The following CNTN4 variants were observed in gnomAD, a reference collection of about 807,000 sequenced individuals.
The protein encoded by CNTN4 is contactin 4.
CNTN4 carries 77 observed loss-of-function variants against 122.5 expected under a neutral mutation model. The observed-to-expected ratio is 0.63, with a 90% CI of 0.52 to 0.76. CNTN4 has a LOEUF of 0.76. CNTN4 is among the 30% of genes least tolerant of loss of function. The pLI, the probability that CNTN4 is intolerant of heterozygous loss-of-function variation, is 0.00. For missense variants in CNTN4, 1,256 were observed against 1,259.1 expected (o/e 1.00, Z 0.04); for synonymous variants, 512 against 447.0 (o/e 1.15, Z -1.83).
intron 10 of CNTN4, among the ~76,000 whole-genome samples, chr3:2,888,078 T>C (rs2093998686): frequency 6.6e-6 from 1 of 152,248 alleles, no homozygotes; most frequent in Non-Finnish European, 1.5e-5. Flanking sequence ...TAGCAAAAGC[T>C]TTAAATGTTC....
chr3:2,641,110 A>G lies in CNTN4; in HGVS notation c.55+69552A>G, dbSNP rs529133211. Among the ~76,000 whole-genome samples, 18 of 152,310 alleles carry G rather than the reference A, an allele frequency of 1.2e-4. No individual in the cohort carries two copies. In the East Asian group the frequency reaches 3.3e-3, roughly 28 times the overall value. On this transcript the variant is annotated intron_variant, in intron 4 of 24. Coordinates refer to ENST00000418658, the MANE Select transcript of CNTN4 (RefSeq NM_175607.3). The stretch of plus-strand genomic sequence containing the variant: ...ACTTAATACCCTCAAAATTAATGCT[A>G]TATACAACTTCAACTGTATGTTTTT...
intron 4 of CNTN4, among the ~76,000 whole-genome samples, chr3:2,643,828 A>G (rs1215324240): frequency 2.0e-5 from 3 of 152,134 alleles, no homozygotes; most frequent in African/African-American, 7.2e-5. Flanking sequence ...CCTATATGTG[A>G]GGTCACAGGC....
chr3:2,183,391 T>C (rs1162751628), intron 2 of CNTN4, among the ~76,000 whole-genome samples: 2 of 152,200 alleles, frequency 1.3e-5, no homozygotes. Context: ...GAATCCGTAA[T>C]AACAATAGGA....
At chr3:2,435,293 T>C (rs2048220352) in intron 3 of CNTN4, among the ~76,000 whole-genome samples, 1 of 152,152 alleles carries the variant, frequency 6.6e-6, no homozygotes, top group South Asian at 2.1e-4. Context: ...GTCCCTTATA[T>C]AAAATGGCAT....
At chr3:2,953,665 G>GAT (rs759533269) in intron 13 of CNTN4, among the ~76,000 whole-genome samples, 28 of 152,066 alleles carry the variant, frequency 1.8e-4, no homozygotes, top group Non-Finnish European at 3.2e-4. Context: ...TATATTGAAT[G>GAT]ATATATTCAA....
chr3:2,778,112 G>T (rs1358378816), intron 6 of CNTN4, among the ~76,000 whole-genome samples: 1 of 141,550 alleles, frequency 7.1e-6, no homozygotes, highest in Non-Finnish European at 1.5e-5. Context: ...TACTCAGGAG[G>T]CTGAGGCAGG....
At chr3:2,543,620 C>A (rs1019908830) in intron 3 of CNTN4, among the ~76,000 whole-genome samples, 2 of 152,082 alleles carry the variant, frequency 1.3e-5, no homozygotes, top group African/African-American at 4.8e-5. Context: ...CAAAACAAGA[C>A]AATTTCATTG....
chr3:2,886,513 C>CTTT lies in CNTN4; in HGVS notation c.756-513_756-511dup, dbSNP rs200813621. Among the ~76,000 whole-genome samples the CTTT allele has an allele frequency of 1.1e-3, 147 of 136,854 alleles. 4 individuals carry two copies. Among genetic ancestry groups the CTTT allele is most frequent in the South Asian group, 6.2e-3 (26 of 4,220 alleles). The allele number at this position is 136,854 out of a possible 152,430, so 89.8% of individuals were successfully genotyped here. A position where few individuals can be genotyped will look rare whatever the true frequency, so the allele number is the denominator to read the frequency against. ...ATGATATTGTATAGGAGATAGATCA[C>CTTT]TTTTTTTTTTTTTTTTGAGACAAAG... On this transcript the variant is annotated intron_variant, in intron 9 of 24. Transcript: ENST00000418658.
chr3:2,748,384 C>CT (rs1416779517), intron 6 of CNTN4, among the ~76,000 whole-genome samples: 1 of 151,778 alleles, frequency 6.6e-6, no homozygotes, highest in African/African-American at 2.4e-5. Flanking sequence ...AGTAGTGACC[C>CT]TTTGTTCCAT....
intron 3 of CNTN4, among the ~76,000 whole-genome samples, chr3:2,502,288 T>C (rs2149009012): frequency 6.6e-6 from 1 of 152,302 alleles, no homozygotes; most frequent in African/African-American, 2.4e-5. Flanking sequence ...GGAGTTTTAC[T>C]ATCCACGTGT....
intron 4 of CNTN4, among the ~76,000 whole-genome samples, chr3:2,620,647 GCTTT>G (rs2081956642): frequency 6.6e-6 from 1 of 152,112 alleles, no homozygotes; most frequent in African/African-American, 2.4e-5. Context: ...TGAGTTTAAT[GCTTT>G]CTAATTGCTT....
In CNTN4 at chr3:2,114,043, A is replaced by C. The variant is rs145369169; in HGVS notation, c.-145+13404A>C. Among the ~76,000 whole-genome samples the C allele has an allele frequency of 5.5e-3, 831 of 152,314 alleles. 13 individuals carry two copies. Among genetic ancestry groups the C allele is most frequent in the African/African-American group, 0.019 (803 of 41,582 alleles). On this transcript the variant is annotated intron_variant, in intron 2 of 24. Coordinates refer to ENST00000418658, the MANE Select transcript of CNTN4 (RefSeq NM_175607.3). ...TTGCTTGGTGTAAAAAGAAAACTCAAATTACAGTGTGATGTGGAATATAAT... is the reference window on the plus strand; with the variant it reads ...TTGCTTGGTGTAAAAAGAAAACTCACATTACAGTGTGATGTGGAATATAAT...
intron 13 of CNTN4, among the ~76,000 whole-genome samples, chr3:2,957,955 G>A (rs189858390): frequency 3.9e-5 from 6 of 152,280 alleles, no homozygotes; most frequent in African/African-American, 1.4e-4. Flanking sequence ...TATATATTCA[G>A]TAATGGGATT....
intron 2 of CNTN4, among the ~76,000 whole-genome samples, chr3:2,253,589 A>G (rs1427447175): frequency 6.6e-6 from 1 of 151,918 alleles, no homozygotes; most frequent in African/African-American, 2.4e-5. Flanking sequence ...TACTACTACT[A>G]ATCTCATCTT....
At chr3:2,515,228 A>G (rs1234170383) in intron 3 of CNTN4, among the ~76,000 whole-genome samples, 1 of 152,190 alleles carries the variant, frequency 6.6e-6, no homozygotes, top group Non-Finnish European at 1.5e-5. Context: ...GTTATGCTGC[A>G]TATGTAAGTG....
chr3:2,428,178 A>G (rs2047917505), intron 3 of CNTN4, among the ~76,000 whole-genome samples: 1 of 152,158 alleles, frequency 6.6e-6, no homozygotes, highest in African/African-American at 2.4e-5. Context: ...GATGGTCTTT[A>G]CAATTTGGCA....
rs146693596 is a variant in CNTN4 at position 2,731,050 on chromosome 3, A to G, written c.56-5165A>G. On this transcript the variant is annotated intron_variant, in intron 4 of 24. Coordinates refer to ENST00000418658, the MANE Select transcript of CNTN4 (RefSeq NM_175607.3). ...TTAAGTCAAAAAATATTTTGTTTCC[A>G]TTACAGATGTGGTCATTTTTATTCT... Among the ~76,000 whole-genome samples, 614 of 151,366 alleles carry G rather than the reference A, an allele frequency of 4.1e-3. 3 individuals carry two copies. The highest frequency in any genetic ancestry group is 0.014 in the African/African-American group (581 of 41,244).
At chr3:2,760,032 C>G (rs963982078) in intron 6 of CNTN4, among the ~76,000 whole-genome samples, 62 of 152,270 alleles carry the variant, frequency 4.1e-4, no homozygotes, top group African/African-American at 1.4e-3. Flanking sequence ...GCCCAGTTAT[C>G]TTTTCATTGT....
intron 2 of CNTN4, among the ~76,000 whole-genome samples, chr3:2,241,200 G>T (rs928919254): frequency 6.6e-6 from 1 of 152,022 alleles, no homozygotes; most frequent in East Asian, 1.9e-4. Flanking sequence ...AGAGCACTTA[G>T]GTCTACTTAT....
Sources: gnomAD v4.1 joint callset for allele counts (sites outside exome capture counted in the v4.1 genomes callset) on GRCh38, gnomAD v4.1.1 for gene constraint, MANE v1.5 for transcripts, NCBI Gene and HGNC (gene_info 2026-07-23, HGNC 2026-07-21) for gene names.